Variants in CRYM observed in about 807,000 individuals in gnomAD.
CRYM encodes the protein crystallin mu, also known as ketimine reductase mu-crystallin.
A neutral mutation model predicts 32.9 loss-of-function variants in CRYM; 18 were observed. The ratio of observed to expected loss-of-function variants is 0.55; its 90% CI spans 0.38 to 0.81. The LOEUF (loss-of-function observed/expected upper bound fraction) is 0.81, where lower values mean the gene tolerates loss of function less well. CRYM is among the 30% of genes least tolerant of loss of function. CRYM has a pLI of 0.00. For synonymous variants in CRYM, 153 were observed against 152.4 expected (o/e 1.00, Z -0.03); for missense variants, 337 against 393.5 (o/e 0.86, Z 1.21).
chr16:21,280,508 C>T (rs1453709698), upstream of CRYM, among the ~76,000 whole-genome samples: 2 of 152,094 alleles, frequency 1.3e-5, no homozygotes, highest in African/African-American at 4.8e-5. Context: ...GATGGGATGG[C>T]AAATCAGATA....
chr16:21,296,727 C>T (rs1960795596), intron 1 of CRYM, among the ~76,000 whole-genome samples: 2 of 152,180 alleles, frequency 1.3e-5, no homozygotes, highest in Admixed American at 1.3e-4. Flanking sequence ...GTTTAAGATA[C>T]TCACTGAGGC....
chr16:21,268,432 G>A (rs1416221540), intron 4 of CRYM: 2 of 152,308 alleles, frequency 1.3e-5, no homozygotes, highest in African/African-American at 2.4e-5. Context: ...GCCTCACCAG[G>A]AGCTGGGGAC....
In CRYM at chr16:21,270,044, T is replaced by A. The variant is rs142605605; in HGVS notation, c.388-153A>T. On this transcript the variant is annotated intron_variant, in intron 3 of 7. Coordinates refer to ENST00000572914, the MANE Select transcript of CRYM (RefSeq NM_001376256.1). ...CAAGAGAATTTCCTTTTGTGTCTAG[T>A]TTCCCCCGTATCAAGTGGGAAAAGA... 1.5e-3 allele frequency among the ~76,000 whole-genome samples: 221 copies of A among 152,264 alleles called. 2 individuals carry two copies. Among genetic ancestry groups the A allele is most frequent in the African/African-American group, 5.2e-3 (216 of 41,552 alleles).
At chr16:21,278,599 C>T (rs2093392520), upstream of CRYM, 1 of 364,378 alleles carries the variant, frequency 2.7e-6, no homozygotes, top group Non-Finnish European at 5.1e-6. Flanking sequence ...TCCCTATTAA[C>T]TCGCTTTTTG....
At chr16:21,284,287 G>A (rs936245663) in intron 1 of CRYM, among the ~76,000 whole-genome samples, 1 of 151,944 alleles carries the variant, frequency 6.6e-6, no homozygotes, top group Non-Finnish European at 1.5e-5. Flanking sequence ...CCACTTCATC[G>A]GGCTTTTCTT....
intron 1 of CRYM, among the ~76,000 whole-genome samples, chr16:21,290,546 G>C (rs543680319): frequency 8.5e-5 from 13 of 152,160 alleles, no homozygotes; most frequent in Non-Finnish European, 1.8e-4. Flanking sequence ...AAGAACCCAC[G>C]GGAGGGAACC....
intron 1 of CRYM, among the ~76,000 whole-genome samples, chr16:21,292,899 G>A (rs978565108): frequency 3.9e-5 from 6 of 151,976 alleles, no homozygotes; most frequent in East Asian, 1.9e-4. Flanking sequence ...ATAAAACTAC[G>A]ATAATTAAGA....
At chr16:21,290,511 C>T (rs1407656661) in intron 1 of CRYM, among the ~76,000 whole-genome samples, 2 of 152,132 alleles carry the variant, frequency 1.3e-5, no homozygotes, top group Non-Finnish European at 2.9e-5. Flanking sequence ...GGGTCCGTGG[C>T]TTCTTTCTTG....
At chr16:21,278,436 T>A (rs1444865099), upstream of CRYM, 7 of 680,594 alleles carry the variant, frequency 1.0e-5, no homozygotes, top group Non-Finnish European at 1.3e-5. Flanking sequence ...CCTCGACCCC[T>A]AAGGGTGGGC....
At chr16:21,267,174 T>C (rs527823938) in intron 5 of CRYM, among the ~76,000 whole-genome samples, 9 of 151,762 alleles carry the variant, frequency 5.9e-5, no homozygotes, top group African/African-American at 2.2e-4. Flanking sequence ...CTTGGCTCAC[T>C]GCAACCTCTG....
chr16:21,290,466 C>G (rs897703179), intron 1 of CRYM, among the ~76,000 whole-genome samples: 4 of 152,154 alleles, frequency 2.6e-5, no homozygotes, highest in Non-Finnish European at 4.4e-5. Flanking sequence ...CAACTCTGGA[C>G]ACACCATCTT....
At chr16:21,299,966 G>A (rs1032861950) in intron 1 of CRYM, 3 of 152,166 alleles carry the variant, frequency 2.0e-5, no homozygotes, top group African/African-American at 7.2e-5. Flanking sequence ...TCCCAGCAAG[G>A]ACTGGGGAAA....
At chr16:21,301,728 C>G (rs1445333957) in intron 1 of CRYM, among the ~76,000 whole-genome samples, 4 of 152,236 alleles carry the variant, frequency 2.6e-5, no homozygotes, top group Admixed American at 6.5e-5. Context: ...CGCCCCCAGC[C>G]CTAGTGCAGC....
At chr16:21,275,448 A>G in intron 3 of CRYM, 84 bp downstream of exon 3, 1 of 1,248,152 alleles carries the variant, frequency 8.0e-7, no homozygotes, top group South Asian at 1.2e-5. Context: ...TAAGTTCCCC[A>G]CTTCTCCTTT....
At position 21,267,558 on chromosome 16, in the gene CRYM, G is replaced by A. The variant is rs1407557901; in HGVS notation, c.669C>T (p.Ile223=). Residue 223 remains isoleucine, a synonymous_variant, in exon 5 of 8, where the codon ATC becomes ATT. Transcript: ENST00000572914. The part of the protein sequence containing the change: ...FGEWVKPGAH[I]NAVGASRPDW... ...TTATGGAGCCACTCTACTTACCATTGATGTGAGCCCCTGGCTTCACCCATT... is the reference window on the plus strand; with the variant it reads ...TTATGGAGCCACTCTACTTACCATTAATGTGAGCCCCTGGCTTCACCCATT... 2 of 1,613,616 alleles carry A rather than the reference G, an allele frequency of 1.2e-6. No individual in the cohort carries two copies. The highest frequency in any genetic ancestry group is 1.7e-6 in the Non-Finnish European group (2 of 1,180,010).
At chr16:21,265,621 T>C (rs2152861755) in intron 5 of CRYM, among the ~76,000 whole-genome samples, 1 of 152,320 alleles carries the variant, frequency 6.6e-6, no homozygotes, top group Non-Finnish European at 1.5e-5. Context: ...GTGGCATCCC[T>C]GGCATCTAGA....
At chr16:21,278,518 T>C, upstream of CRYM, 1 of 561,850 alleles carries the variant, frequency 1.8e-6, no homozygotes. Context: ...TCAATATTGT[T>C]TGGTCCACTT....
In CRYM at chr16:21,262,134, C is replaced by G. The variant is rs748606222; in HGVS notation, c.698G>C (p.Trp233Ser). The change falls in exon 6 of 8, where the codon TGG becomes TCG. Residue 233 changes from tryptophan (W) to serine (S), a missense_variant. By Grantham distance (177) the Trp-to-Ser change is radical (BLOSUM62 -3). Transcript: ENST00000572914. The part of the protein sequence containing the change: ...INAVGASRPD[W>S]RELDDELMKE... Reference sequence around the variant, plus strand: ...CATGAGCTCATCATCCAGTTCTCTCCAGTCAGGTCTGCTGGCTCCAACAGC... The same window carrying G: ...CATGAGCTCATCATCCAGTTCTCTCGAGTCAGGTCTGCTGGCTCCAACAGC... 1 of 1,614,120 alleles carries G rather than the reference C, an allele frequency of 6.2e-7. No individual in the cohort carries two copies. The highest frequency in any genetic ancestry group is 1.1e-5 in the South Asian group (1 of 91,084).
At chr16:21,269,143 C>CAA (rs35798113) in intron 4 of CRYM, among the ~76,000 whole-genome samples, 18 of 78,444 alleles carry the variant, frequency 2.3e-4, no homozygotes, top group East Asian at 1.0e-3. Flanking sequence ...GACTCCATTT[C>CAA]AAAAAAAAAA....
Sources: allele counts gnomAD v4.1 joint callset (sites outside exome capture counted in the v4.1 genomes callset), GRCh38; gene constraint gnomAD v4.1.1; transcripts MANE v1.5; gene names NCBI Gene and HGNC (gene_info 2026-07-23, HGNC 2026-07-21).